Variants in JAKMIP1 observed in about 807,000 individuals in gnomAD.
The protein encoded by JAKMIP1 is janus kinase and microtubule interacting protein 1.
JAKMIP1 carries 33 observed loss-of-function variants against 113.0 expected under a neutral mutation model. The observed-to-expected ratio is 0.29, with a 90% CI of 0.22 to 0.39. JAKMIP1 has a LOEUF of 0.39. JAKMIP1 is among the 10% of genes least tolerant of loss of function. The pLI is 1.00. For synonymous variants in JAKMIP1, 480 were observed against 459.9 expected, an observed-to-expected ratio of 1.04 and a Z score of -0.56; for missense variants, 813 against 1,080.5, an observed-to-expected ratio of 0.75 and a Z score of 3.47.
rs1000970652 is a variant in JAKMIP1, at chr4:6,123,282, C to T, written c.-147-10285G>A. On this transcript the variant is annotated intron_variant, in intron 1 of 20. Transcript: ENST00000409021. ...CACACCACACAGTAGGCAAAGCCCC[C>T]GTCCCAGGGGCACAGCTTGATTCTC... Among the ~76,000 whole-genome samples the T allele has an allele frequency of 2.6e-5, 4 of 152,194 alleles. No homozygotes were observed. In the South Asian group the frequency reaches 8.3e-4, roughly 31 times the overall value.
intron 1 of JAKMIP1, among the ~76,000 whole-genome samples, chr4:6,118,374 C>T (rs1215829705): frequency 6.6e-6 from 1 of 152,138 alleles, no homozygotes; most frequent in Non-Finnish European, 1.5e-5. Context: ...GACCATCATC[C>T]TGCTGTTTAA....
At chr4:6,149,941 G>A (rs1721362788) in intron 1 of JAKMIP1, among the ~76,000 whole-genome samples, 1 of 152,006 alleles carries the variant, frequency 6.6e-6, no homozygotes, top group Admixed American at 6.6e-5. Flanking sequence ...TTCTCCTCCT[G>A]CCTCTGCTCT....
chr4:6,111,640 C>T (rs914548028), intron 2 of JAKMIP1, among the ~76,000 whole-genome samples: 24 of 152,208 alleles, frequency 1.6e-4, no homozygotes, highest in African/African-American at 4.6e-4. Context: ...GACCAGTTAG[C>T]GGACAAGCTG....
intron 8 of JAKMIP1, among the ~76,000 whole-genome samples, chr4:6,077,732 C>T (rs1411560908): frequency 9.9e-5 from 15 of 152,104 alleles, no homozygotes; most frequent in African/African-American, 3.4e-4. Context: ...GATCCACCCA[C>T]CCTGGCCTTT....
chr4:6,180,697 T>C lies in JAKMIP1; in HGVS notation c.-148+19556A>G, dbSNP rs1725922114. ...ACCAGCAGGAAGGGGTGAAGTACTT[T>C]GACCAACATGACCCAATTAGCAAGT... On this transcript the variant is annotated intron_variant, in intron 1 of 20. Transcript: ENST00000409021. This position sits in a 1 kb window ranked among gnomAD's most constrained non-coding sequence, Gnocchi z 4.5. Among the ~76,000 whole-genome samples the C allele has an allele frequency of 6.6e-6, 1 of 152,170 alleles. No individual in the cohort carries two copies. The highest frequency in any genetic ancestry group is 1.5e-5 in the Non-Finnish European group (1 of 68,032).
chr4:6,099,469 G>A (rs573517242), intron 3 of JAKMIP1, among the ~76,000 whole-genome samples: 2 of 152,322 alleles, frequency 1.3e-5, no homozygotes, highest in East Asian at 1.9e-4. Flanking sequence ...AGGACTGTGC[G>A]AGAGCACAGA....
chr4:6,078,152 T>C (rs1719944889), intron 8 of JAKMIP1, among the ~76,000 whole-genome samples: 1 of 152,058 alleles, frequency 6.6e-6, no homozygotes, highest in Non-Finnish European at 1.5e-5. Flanking sequence ...CTGCCGCTAC[T>C]AAAAATACAA....
In JAKMIP1 at chr4:6,084,934, C is replaced by T. The variant is rs371853673; in HGVS notation, c.866G>A (p.Arg289Gln). Residue 289 changes from arginine to glutamine, a missense_variant, in exon 5 of 21, where the codon CGA becomes CAA. Coordinates refer to ENST00000409021, the MANE Select transcript of JAKMIP1 (RefSeq NM_001099433.2). ...DQHMDERDVR[R>Q]FQLKIAELNS... is the part of the protein sequence containing the mutation. ...CAGTTCAGCAATTTTTAGTTGAAAT[C>T]GCCTCACATCTCGCTCGTCCATATG... 1.9e-6 allele frequency: 3 copies of T among 1,557,492 alleles called. No homozygotes were observed. The highest frequency in any genetic ancestry group is 1.8e-6 in the Non-Finnish European group (2 of 1,142,730).
intron 11 of JAKMIP1, 69 bp from the exon 12 acceptor site, chr4:6,056,828 T>G (rs1338104280): frequency 2.8e-6 from 3 of 1,055,060 alleles, no homozygotes; most frequent in Non-Finnish European, 4.4e-6. Flanking sequence ...AAACTTTTAG[T>G]GAGAAAGGTC....
intron 16 of JAKMIP1, among the ~76,000 whole-genome samples, chr4:6,043,193 C>T (rs762846968): frequency 3.4e-4 from 52 of 151,958 alleles, no homozygotes; most frequent in African/African-American, 1.2e-3. Context: ...GCGGAGCGCC[C>T]TCTTTCCCGA....
chr4:6,169,277 G>A (rs990691613), intron 1 of JAKMIP1, among the ~76,000 whole-genome samples: 1 of 152,160 alleles, frequency 6.6e-6, no homozygotes, highest in African/African-American at 2.4e-5. Context: ...CATGAGTTAG[G>A]AGGAGGCCAT....
rs1421487578 is a variant in JAKMIP1 at position 6,135,072 on chromosome 4, C to T, written c.-147-22075G>A. Among the ~76,000 whole-genome samples the T allele has an allele frequency of 6.6e-6, 1 of 152,112 alleles. No individual in the cohort carries two copies. The highest frequency in any genetic ancestry group is 2.4e-5 in the African/African-American group (1 of 41,434). ...CTGGTCTGGTATCGTTGGGGCAGAG[C>T]TGCTCAGTCTCCATGGGGGCCACTC... is the stretch of plus-strand genomic sequence containing the variant. On this transcript the variant is annotated intron_variant, in intron 1 of 20. Coordinates refer to ENST00000409021, the MANE Select transcript of JAKMIP1 (RefSeq NM_001099433.2). The surrounding 1 kb of genome is among the most constrained non-coding windows in gnomAD (Gnocchi z 4.9).
At chr4:6,171,780 C>CGA (rs1724761008) in intron 1 of JAKMIP1, among the ~76,000 whole-genome samples, 1 of 152,162 alleles carries the variant, frequency 6.6e-6, no homozygotes, top group South Asian at 2.1e-4. Flanking sequence ...CTGCCTGGCA[C>CGA]GGAATCGAGG....
rs147667899 is a variant in JAKMIP1 at position 6,097,446 on chromosome 4, A to T, written c.624+8027T>A. Reference sequence around the variant, plus strand: ...TGGGTGTGTATGGAAGCTCTATCACAGCTGATGGGGGCTAGGGGGATCTTT... The same window carrying T: ...TGGGTGTGTATGGAAGCTCTATCACTGCTGATGGGGGCTAGGGGGATCTTT... On this transcript the variant is annotated intron_variant, in intron 3 of 20. Transcript: ENST00000409021. The surrounding 1 kb of genome is among the most constrained non-coding windows in gnomAD (Gnocchi z 4.3). 3.2e-4 allele frequency among the ~76,000 whole-genome samples: 48 copies of T among 152,332 alleles called. No homozygotes were observed. The highest frequency in any genetic ancestry group is 1.0e-3 in the African/African-American group (43 of 41,564).
chr4:6,164,382 C>T (rs1245114734), intron 1 of JAKMIP1, among the ~76,000 whole-genome samples: 4 of 151,952 alleles, frequency 2.6e-5, no homozygotes, highest in South Asian at 2.1e-4. Context: ...ACCTACTGCT[C>T]GGAAAAAAAA....
At chr4:6,149,738 C>A (rs1445059687) in intron 1 of JAKMIP1, among the ~76,000 whole-genome samples, 1 of 152,086 alleles carries the variant, frequency 6.6e-6, no homozygotes, top group South Asian at 2.1e-4. Context: ...CACCTCTTGA[C>A]CCCCCACCAG....
At position 6,150,195 on chromosome 4, in the gene JAKMIP1, G is replaced by T. The variant is rs1721398120; in HGVS notation, c.-147-37198C>A. ...CTCCTCCATCAGAGAGAGAGAGAGAGAGAAGAAAGTGCTGGCACAGGCCCC... is the reference window on the plus strand; with the variant it reads ...CTCCTCCATCAGAGAGAGAGAGAGATAGAAGAAAGTGCTGGCACAGGCCCC... On this transcript the variant is annotated intron_variant, in intron 1 of 20. Transcript: ENST00000409021. This position sits in a 1 kb window ranked among gnomAD's most constrained non-coding sequence, Gnocchi z 4.8. The T allele has an allele frequency of 6.6e-6, 1 of 152,284 alleles. No individual in the cohort carries two copies. Among genetic ancestry groups the T allele is most frequent in the African/African-American group, 2.4e-5 (1 of 41,440 alleles). The allele number at this position is 152,284 out of a possible 1,614,324, so 9.4% of individuals were successfully genotyped here. A position where few individuals can be genotyped will look rare whatever the true frequency, so the allele number is the denominator to read the frequency against.
In JAKMIP1 at chr4:6,183,107, A is replaced by G. The variant is rs1425285177; in HGVS notation, c.-148+17146T>C. Among the ~76,000 whole-genome samples, 2 of 152,186 alleles carry G rather than the reference A, an allele frequency of 1.3e-5. No homozygotes were observed. The highest frequency in any genetic ancestry group is 2.9e-5 in the Non-Finnish European group (2 of 68,038). On this transcript the variant is annotated intron_variant, in intron 1 of 20. Coordinates refer to ENST00000409021, the MANE Select transcript of JAKMIP1 (RefSeq NM_001099433.2). The surrounding 1 kb of genome is among the most constrained non-coding windows in gnomAD (Gnocchi z 5.3). ...GAGACAGAACAAAGAGCTAAACATGATACAGGCAGATAACAATACCACAGA... is the reference window on the plus strand; with the variant it reads ...GAGACAGAACAAAGAGCTAAACATGGTACAGGCAGATAACAATACCACAGA...
At chr4:6,169,815 C>T (rs1032970233) in intron 1 of JAKMIP1, among the ~76,000 whole-genome samples, 1 of 151,860 alleles carries the variant, frequency 6.6e-6, no homozygotes, top group Non-Finnish European at 1.5e-5. Flanking sequence ...AGTGGTGGTA[C>T]CTACCTCATA....
Sources: gnomAD v4.1 joint callset for allele counts (sites outside exome capture counted in the v4.1 genomes callset) on GRCh38, gnomAD v4.1.1 for gene constraint, Gnocchi (gnomAD v3.1) non-coding constraint, MANE v1.5 for transcripts, NCBI Gene and HGNC (gene_info 2026-07-23, HGNC 2026-07-21) for gene names.